The following MCMBP variants were observed in gnomAD, a reference collection of about 807,000 sequenced individuals.
The protein encoded by MCMBP is mini-chromosome maintenance complex-binding protein.
In MCMBP, 31 loss-of-function variants were observed where a neutral mutation model predicts 81.3. The observed-to-expected ratio is 0.38, with a 90% confidence interval of 0.29 to 0.51. The LOEUF is 0.51. Among genes scored for constraint, MCMBP ranks in the 20% least tolerant of loss-of-function variants. The pLI is 0.87. For missense variants in MCMBP, 645 were observed against 772.1 expected, an observed-to-expected ratio of 0.84 and a Z score of 1.95; for synonymous variants, 267 against 275.9, an observed-to-expected ratio of 0.97 and a Z score of 0.32.
chr10:119,864,499 C>CTT (rs1245181226), intron 1 of MCMBP, among the ~76,000 whole-genome samples: 2 of 142,450 alleles, frequency 1.4e-5, no homozygotes, highest in Non-Finnish European at 3.1e-5. Context: ...ATTTGTCTTC[C>CTT]TTTTTTTCTT....
intron 9 of MCMBP, chr10:119,842,961 C>G (rs1852486821): frequency 2.6e-6 from 1 of 389,492 alleles, no homozygotes; most frequent in African/African-American, 2.1e-5. Context: ...CTATATTGGC[C>G]AGGCTAGTCT....
chr10:119,849,897 T>G (rs1444043470), intron 6 of MCMBP, among the ~76,000 whole-genome samples: 1 of 152,164 alleles, frequency 6.6e-6, no homozygotes, highest in Non-Finnish European at 1.5e-5. Flanking sequence ...ACATCTTTGA[T>G]TTAAGGAATA....
At chr10:119,847,581 A>T in intron 8 of MCMBP, 32 bp downstream of exon 8, 1 of 1,335,378 alleles carries the variant, frequency 7.5e-7, no homozygotes, top group Non-Finnish European at 1.1e-6. Context: ...TATAAAAATA[A>T]AGGAGACCAA....
At chr10:119,853,257 TA>T in intron 5 of MCMBP, 63 bp from the exon 6 acceptor site, 1 of 1,496,616 alleles carries the variant, frequency 6.7e-7, no homozygotes, top group East Asian at 2.3e-5. Flanking sequence ...TTTTGCTAAT[TA>T]TATGACTTAT....
chr10:119,850,877 T>TCTG lies in MCMBP; in HGVS notation c.575-1302_575-1301insCAG, dbSNP rs899567182. On this transcript the variant is annotated intron_variant, in intron 6 of 15. Transcript: ENST00000369077. ...GGCTAAAAGGTATACAAGATCTGTTTTTTTTTTTTTTTTTTGAGACAGAGT... is the reference window on the plus strand; with the variant it reads ...GGCTAAAAGGTATACAAGATCTGTTTCTGTTTTTTTTTTTTTTTGAGACAGAGT... Among the ~76,000 whole-genome samples the TCTG allele has an allele frequency of 2.1e-3, 319 of 148,430 alleles. 5 individuals carry two copies. Among genetic ancestry groups the TCTG allele is most frequent in the Non-Finnish European group, 4.1e-3 (271 of 66,686 alleles).
rs375235364 is a variant in MCMBP, at chr10:119,860,804, G to A, written c.59-920C>T. Among the ~76,000 whole-genome samples the A allele has an allele frequency of 9.9e-5, 15 of 152,174 alleles. No homozygotes were observed. In the East Asian group the frequency reaches 1.2e-3, roughly 12 times the overall value. ...GATCAGATTCCAATCAAGTATAACC[G>A]AACTGCTGTTTAAACAATGTTGTCA... On this transcript the variant is annotated intron_variant, in intron 1 of 15. Transcript: ENST00000369077.
intron 4 of MCMBP, chr10:119,857,938 T>G (rs1347360399): frequency 6.6e-6 from 1 of 152,294 alleles, no homozygotes; most frequent in Non-Finnish European, 1.5e-5. Context: ...AACAAAAATG[T>G]AACTTCTGAC....
intron 14 of MCMBP, among the ~76,000 whole-genome samples, chr10:119,834,032 G>C (rs1267023036): frequency 6.6e-6 from 1 of 152,116 alleles, no homozygotes. Context: ...ACTGAGATTA[G>C]TCTAAGAAAC....
rs910908921 is a variant in MCMBP at position 119,830,663 on chromosome 10, T to C, written c.*811A>G. 6.6e-6 allele frequency: 1 copy of C among 152,632 alleles called. No homozygotes were observed. The highest frequency in any genetic ancestry group is 1.5e-5 in the Non-Finnish European group (1 of 68,046). The allele number at this position is 152,632 out of a possible 1,614,324, so 9.5% of individuals were successfully genotyped here. ...GAGAAAATAAAGACAATGTAGTGTC[T>C]TGGTTTCTTTTGCCCCCAAAAGCCA... On this transcript the variant is annotated 3_prime_UTR_variant, in exon 16 of 16. Transcript: ENST00000369077.
rs759916042 is a variant in MCMBP at position 119,859,062 on chromosome 10, A to G, written c.264T>C (p.Val88=). 9 of 1,613,830 alleles carry G rather than the reference A, an allele frequency of 5.6e-6. No individual in the cohort carries two copies. Among genetic ancestry groups the G allele is most frequent in the Non-Finnish European group, 6.8e-6 (8 of 1,179,822 alleles). The change falls in exon 3 of 16, where the codon GTT becomes GTC. Residue 88 remains valine (V), a synonymous_variant. Transcript: ENST00000369077. Reference sequence around the variant, plus strand: ...TTACATGTGCTTTTGTGTTTTGGTTAACCGTTTCATAAACTCCCATGTAAA... The same window carrying G: ...TTACATGTGCTTTTGTGTTTTGGTTGACCGTTTCATAAACTCCCATGTAAA... ...PEFYMGVYET[V]NQNTKAHVLH...
intron 1 of MCMBP, among the ~76,000 whole-genome samples, chr10:119,869,571 C>CAA (rs34014446): frequency 0.55 from 77,516 of 141,144 alleles, 20,971 homozygotes; most frequent in East Asian, 0.8. Context: ...GACTCAGTCT[C>CAA]AAAAAAAAAA....
intron 1 of MCMBP, 22 bp downstream of exon 1, chr10:119,872,505 G>A (rs971295450): frequency 1.8e-4 from 183 of 996,696 alleles, no homozygotes; most frequent in Non-Finnish European, 2.2e-4. Flanking sequence ...CGCCCGGCCC[G>A]CCCCCCGGCG....
Position 119,849,409 on chromosome 10 carries a change from C to G in MCMBP, c.726+16G>C. 1.3e-6 allele frequency: 2 copies of G among 1,597,420 alleles called. No homozygotes were observed. The highest frequency in any genetic ancestry group is 1.7e-6 in the Non-Finnish European group (2 of 1,175,040). On this transcript the variant is annotated intron_variant, in intron 7 of 15. Transcript: ENST00000369077. The stretch of plus-strand genomic sequence containing the variant: ...ACATAACATTTCAGTGTTGGATCTA[C>G]GAAAGGTTTTATTACCTTCACAAGG...
intron 7 of MCMBP, among the ~76,000 whole-genome samples, chr10:119,848,597 A>T (rs893677936): frequency 6.6e-6 from 1 of 152,176 alleles, no homozygotes; most frequent in Admixed American, 6.5e-5. Context: ...TGGACAAGAG[A>T]GTGAGACTGC....
chr10:119,838,695 A>G lies in MCMBP; in HGVS notation c.1248T>C (p.Phe416=), dbSNP rs1852335251. 1 of 1,596,564 alleles carries G rather than the reference A, an allele frequency of 6.3e-7. No individual in the cohort carries two copies. Among genetic ancestry groups the G allele is most frequent in the South Asian group, 1.1e-5 (1 of 88,740 alleles). The stretch of plus-strand genomic sequence containing the variant: ...TGTTCTCTATAGTCATCTGCAGACG[A>G]AAAGACTGCAAAGAGAAATTTTTTA... The part of the protein sequence containing the change: ...RIIQHLVPAS[F]RLQMTIENMN... Residue 416 remains phenylalanine, a synonymous_variant, in exon 12 of 16, where the codon TTT becomes TTC. Coordinates refer to ENST00000369077, the MANE Select transcript of MCMBP (RefSeq NM_001256378.2).
intron 15 of MCMBP, 122 bp from the exon 16 acceptor site, chr10:119,831,722 T>C: frequency 8.6e-7 from 1 of 1,156,740 alleles, no homozygotes. Flanking sequence ...GACCGTATGG[T>C]AGTTACACAC....
chr10:119,849,602 T>G, intron 6 of MCMBP, 26 bp from the exon 7 acceptor site: 1 of 1,532,972 alleles, frequency 6.5e-7, no homozygotes, highest in South Asian at 1.3e-5. Flanking sequence ...AGCATTGCAC[T>G]TAGTCATTTC....
chr10:119,837,403 T>G (rs931771472), intron 12 of MCMBP, among the ~76,000 whole-genome samples: 1 of 152,232 alleles, frequency 6.6e-6, no homozygotes, highest in Admixed American at 6.5e-5. Context: ...TATTCCCCTT[T>G]GCCTTAAACA....
At chr10:119,857,182 C>A (rs1305477151) in intron 5 of MCMBP, among the ~76,000 whole-genome samples, 156 bp downstream of exon 5, 2 of 151,476 alleles carry the variant, frequency 1.3e-5, no homozygotes, top group Non-Finnish European at 2.9e-5. Context: ...TAGCATTACT[C>A]AGTGACAAAT....
Sources: gnomAD v4.1 joint callset for allele counts (sites outside exome capture counted in the v4.1 genomes callset) on GRCh38, gnomAD v4.1.1 for gene constraint, MANE v1.5 for transcripts, NCBI Gene and HGNC (gene_info 2026-07-23, HGNC 2026-07-21) for gene names.